Variants in PTPRJ observed in about 807,000 individuals in gnomAD.
PTPRJ encodes the protein receptor-type tyrosine-protein phosphatase eta.
A neutral mutation model predicts 141.3 loss-of-function variants in PTPRJ; 129 were observed. The observed-to-expected ratio is 0.91, with a 90% CI of 0.79 to 1.06. The LOEUF is 1.06. PTPRJ is among the 50% of genes least tolerant of loss of function. PTPRJ has a pLI of 0.00. For synonymous variants in PTPRJ, 610 were observed against 640.5 expected (o/e 0.95, Z 0.72); for missense variants, 1,601 against 1,679.7 (o/e 0.95, Z 0.82).
chr11:48,143,815 C>T (rs1857289461), intron 12 of PTPRJ, among the ~76,000 whole-genome samples: 1 of 124,358 alleles, frequency 8.0e-6, no homozygotes, highest in South Asian at 3.5e-4. Context: ...CTCCTCCTCC[C>T]CTTCTCCTCC....
chr11:48,037,679 G>A (rs1304094742), intron 1 of PTPRJ, among the ~76,000 whole-genome samples: 1 of 152,114 alleles, frequency 6.6e-6, no homozygotes, highest in Non-Finnish European at 1.5e-5. Flanking sequence ...TGGGCGTGGT[G>A]ATGGGCATCT....
intron 8 of PTPRJ, among the ~76,000 whole-genome samples, chr11:48,135,467 G>A (rs1008630742): frequency 2.1e-5 from 3 of 139,906 alleles, no homozygotes; most frequent in East Asian, 2.1e-4. Context: ...GTGATCCACC[G>A]CGCCTGGCCT....
intron 1 of PTPRJ, among the ~76,000 whole-genome samples, chr11:47,989,423 C>T (rs984583457): frequency 7.3e-5 from 11 of 151,660 alleles, no homozygotes; most frequent in South Asian, 6.2e-4. Context: ...TGTGCCACCA[C>T]GCCCAGCTAA....
At chr11:48,063,418 TTCTC>T in intron 1 of PTPRJ, among the ~76,000 whole-genome samples, 1 of 152,358 alleles carries the variant, frequency 6.6e-6, no homozygotes, top group East Asian at 1.9e-4. Context: ...TTTGGTCTCT[TTCTC>T]GCACTGCTCT....
At position 48,139,544 on chromosome 11, in the gene PTPRJ, T is replaced by C; in HGVS notation, c.2211T>C (p.Val737=). The C allele has an allele frequency of 1.2e-6, 2 of 1,614,236 alleles. No homozygotes were observed. Among genetic ancestry groups the C allele is most frequent in the Non-Finnish European group, 1.7e-6 (2 of 1,180,044 alleles). The part of the protein sequence containing the change: ...CEVVPKEPAL[V]LKWTCPPGAN... ...TGGTCCCCAAAGAGCCAGCCCTGGT[T>C]CTCAAATGGACCTGCCCTCCTGGCG... Residue 737 remains valine (V), a synonymous_variant, in exon 11 of 25, where the codon GTT becomes GTC. Coordinates refer to ENST00000418331, the MANE Select transcript of PTPRJ (RefSeq NM_002843.4).
At chr11:48,145,323 C>CA (rs1385886896) in intron 14 of PTPRJ, among the ~76,000 whole-genome samples, 199 bp downstream of exon 14, 1 of 152,166 alleles carries the variant, frequency 6.6e-6, no homozygotes, top group African/African-American at 2.4e-5. Context: ...GCCTGGACCC[C>CA]ACACTCTCCC....
chr11:48,159,653 G>A (rs1000206950), intron 21 of PTPRJ, among the ~76,000 whole-genome samples: 1 of 152,212 alleles, frequency 6.6e-6, no homozygotes, highest in African/African-American at 2.4e-5. Flanking sequence ...CTACTTGGGA[G>A]GCTGAGGCAT....
At chr11:48,069,459 T>A (rs1855177574) in intron 1 of PTPRJ, among the ~76,000 whole-genome samples, 1 of 149,266 alleles carries the variant, frequency 6.7e-6, no homozygotes, top group African/African-American at 2.5e-5. Context: ...TTTTTTTTTT[T>A]TTTTTTTGGA....
intron 21 of PTPRJ, among the ~76,000 whole-genome samples, chr11:48,159,070 AGTGTGTGTGCGT>A (rs1857684438): frequency 1.1e-5 from 1 of 94,916 alleles, no homozygotes; most frequent in African/African-American, 4.1e-5. Context: ...TAGAATACTG[AGTGTGTGTGCGT>A]GTGTGTGTAT....
intron 1 of PTPRJ, among the ~76,000 whole-genome samples, chr11:48,000,982 A>ATTTTTTTT (rs1002159076): frequency 8.1e-6 from 1 of 122,880 alleles, no homozygotes. Flanking sequence ...GTCCCATATA[A>ATTTTTTTT]TTTTTTTTTT....
chr11:48,142,715 A>G (rs1174061939), intron 11 of PTPRJ, among the ~76,000 whole-genome samples: 1 of 152,200 alleles, frequency 6.6e-6, no homozygotes, highest in Admixed American at 6.5e-5. Context: ...ATTGTGAGCT[A>G]GGTGGGTTTC....
chr11:48,025,225 T>C (rs1166563879), intron 1 of PTPRJ, among the ~76,000 whole-genome samples: 1 of 152,210 alleles, frequency 6.6e-6, no homozygotes, highest in Non-Finnish European at 1.5e-5. Context: ...GGGCAGTTGC[T>C]GTTTATTCTC....
chr11:48,016,257 T>C (rs1475457169), intron 1 of PTPRJ, among the ~76,000 whole-genome samples: 1 of 152,084 alleles, frequency 6.6e-6, no homozygotes, highest in Admixed American at 6.5e-5. Flanking sequence ...CAAGCAGGGG[T>C]CAGACCAGAT....
Position 48,130,784 on chromosome 11 carries a change from T to C in PTPRJ, c.1615+68T>C. 2.8e-6 allele frequency: 4 copies of C among 1,405,918 alleles called. No individual in the cohort carries two copies. The South Asian group carries it at 4.8e-5, about 17-fold the overall frequency. 87.1% of individuals were successfully genotyped at this position (1,405,918 alleles called of 1,614,324 possible). On this transcript the variant is annotated intron_variant, in intron 8 of 24. Coordinates refer to ENST00000418331, the MANE Select transcript of PTPRJ (RefSeq NM_002843.4). ...AGGAAATCAGTATAATTAATAAACATAATGTTTCCAAATATTGTTTTTCTT... is the reference window on the plus strand; with the variant it reads ...AGGAAATCAGTATAATTAATAAACACAATGTTTCCAAATATTGTTTTTCTT...
intron 4 of PTPRJ, among the ~76,000 whole-genome samples, chr11:48,122,601 G>A (rs1209128003): frequency 6.6e-6 from 1 of 152,188 alleles, no homozygotes; most frequent in African/African-American, 2.4e-5. Context: ...GGTGGGGCTG[G>A]AACCCGGAGT....
At position 48,168,521 on chromosome 11, in the gene PTPRJ, C is replaced by T. The variant is rs1314040719; in HGVS notation, c.*1159C>T. 2 of 90,698 alleles carry T rather than the reference C, an allele frequency of 2.2e-5. No homozygotes were observed. Among genetic ancestry groups the T allele is most frequent in the Non-Finnish European group, 4.1e-5 (2 of 48,736 alleles). The allele number at this position is 90,698 out of a possible 1,614,324, so 5.6% of individuals were successfully genotyped here. On this transcript the variant is annotated 3_prime_UTR_variant, in exon 25 of 25. Coordinates refer to ENST00000418331, the MANE Select transcript of PTPRJ (RefSeq NM_002843.4). ...CGTCTCTCTCTGCCGTGACACATAT[C>T]GGAATCTACTGTGTATATATATATA...
At chr11:48,010,058 C>T (rs780704807) in intron 1 of PTPRJ, among the ~76,000 whole-genome samples, 5 of 152,230 alleles carry the variant, frequency 3.3e-5, no homozygotes, top group Non-Finnish European at 7.3e-5. Flanking sequence ...GCTTTCTTGC[C>T]ACTAGGTCCT....
chr11:48,059,731 G>C (rs972121640), intron 1 of PTPRJ, among the ~76,000 whole-genome samples: 2 of 152,188 alleles, frequency 1.3e-5, no homozygotes, highest in African/African-American at 4.8e-5. Flanking sequence ...TGTGCCAAAT[G>C]CTTCCTCCCA....
intron 2 of PTPRJ, among the ~76,000 whole-genome samples, chr11:48,111,365 A>C (rs1485737257): frequency 2.1e-5 from 3 of 140,302 alleles, no homozygotes; most frequent in Admixed American, 7.2e-5. Context: ...AAAAAAAAAA[A>C]ACCATGGTTT....
Sources: allele counts gnomAD v4.1 joint callset (sites outside exome capture counted in the v4.1 genomes callset), GRCh38; gene constraint gnomAD v4.1.1; transcripts MANE v1.5; gene names NCBI Gene and HGNC (gene_info 2026-07-23, HGNC 2026-07-21).